KLHL1: variants seen among roughly 807,000 people sequenced by gnomAD.
KLHL1 encodes the protein kelch like family member 1, also known as kelch-like protein 1.
KLHL1 carries 47 observed loss-of-function variants against 77.7 expected under a neutral mutation model. That is an observed-to-expected ratio of 0.60 (90% CI 0.48 to 0.77). KLHL1 has a LOEUF of 0.77. Among genes scored for constraint, KLHL1 ranks in the 30% least tolerant of loss-of-function variants. The pLI is 0.00. For synonymous variants in KLHL1, 360 were observed against 325.2 expected (o/e 1.11, Z -1.15); for missense variants, 925 against 910.8 (o/e 1.02, Z -0.20).
At chr13:69,839,830 C>A (rs537378471) in intron 5 of KLHL1, among the ~76,000 whole-genome samples, 30 of 152,046 alleles carry the variant, frequency 2.0e-4, no homozygotes, top group African/African-American at 6.5e-4. Context: ...ATTGTCTCTG[C>A]AAATTATTTT....
chr13:69,940,046 G>GT lies in KLHL1; in HGVS notation c.1007dup (p.Tyr336Ter), dbSNP rs1883318707. 3.1e-6 allele frequency: 5 copies of GT among 1,603,120 alleles called. No individual in the cohort carries two copies. In the Admixed American group the frequency reaches 6.9e-5, roughly 22 times the overall value. ...CIELMKVAHS[Y>*]TMENIMEVIR... is the part of the protein sequence containing the mutation. The stretch of plus-strand genomic sequence containing the variant: ...AAACATTAAGTTTCCTTACCATTGT[G>GT]TAGCTGTGGGCCACCTTCATTAACT... Residue 336 changes from tyrosine to a stop codon, truncating the protein, a stop_gained and frameshift_variant, in exon 4 of 11, where the codon TAC becomes TAAC. Coordinates refer to ENST00000377844, the MANE Select transcript of KLHL1 (RefSeq NM_020866.3). LOFTEE classifies it high-confidence loss of function.
At position 69,782,107 on chromosome 13, in the gene KLHL1, G is replaced by A. The variant is rs147412449; in HGVS notation, c.1639+14631C>T. 8.1e-4 allele frequency among the ~76,000 whole-genome samples: 124 copies of A among 152,240 alleles called. 1 individual carries two copies. The highest frequency in any genetic ancestry group is 2.9e-3 in the African/African-American group (121 of 41,518). ...ACTTGGAGATGCCAAATAAATTTGT[G>A]TTCTTTTTCTGTTTTAAGCTCTCTC... On this transcript the variant is annotated intron_variant, in intron 7 of 10. Coordinates refer to ENST00000377844, the MANE Select transcript of KLHL1 (RefSeq NM_020866.3).
At chr13:70,073,863 T>C (rs1367254240) in intron 1 of KLHL1, among the ~76,000 whole-genome samples, 1 of 151,930 alleles carries the variant, frequency 6.6e-6, no homozygotes, top group Non-Finnish European at 1.5e-5. Flanking sequence ...CTCGCTCTTG[T>C]TGCCCAGGCT....
rs571855865 is a variant in KLHL1, at chr13:69,834,140, A to T, written c.1414+4836T>A. On this transcript the variant is annotated intron_variant, in intron 6 of 10. Transcript: ENST00000377844. ...AAAGACTACACATTGGGTATGGTGTACACTGCTCAGGTGATGGGTGCACCA... is the reference window on the plus strand; with the variant it reads ...AAAGACTACACATTGGGTATGGTGTTCACTGCTCAGGTGATGGGTGCACCA... Among the ~76,000 whole-genome samples the T allele has an allele frequency of 5.1e-4, 78 of 152,124 alleles. 2 individuals are homozygous for T. The highest frequency in any genetic ancestry group is 1.8e-3 in the African/African-American group (76 of 41,532).
At chr13:69,920,553 G>A (rs1440985287) in intron 4 of KLHL1, among the ~76,000 whole-genome samples, 2 of 151,984 alleles carry the variant, frequency 1.3e-5, no homozygotes, top group African/African-American at 2.4e-5. Flanking sequence ...CTATATTGAG[G>A]AGCAATATAA....
At chr13:69,746,485 G>A (rs1180984932) in intron 7 of KLHL1, among the ~76,000 whole-genome samples, 1 of 151,748 alleles carries the variant, frequency 6.6e-6, no homozygotes, top group Non-Finnish European at 1.5e-5. Flanking sequence ...CTACACTAAG[G>A]TTCTTTCGGT....
intron 1 of KLHL1, among the ~76,000 whole-genome samples, chr13:70,006,939 T>G (rs1184901448): frequency 1.3e-5 from 2 of 152,048 alleles, no homozygotes; most frequent in African/African-American, 2.4e-5. Context: ...CATTTTGTTT[T>G]TATATCAAAA....
At chr13:69,790,565 G>A (rs9572288) in intron 7 of KLHL1, among the ~76,000 whole-genome samples, 53,348 of 151,386 alleles carry the variant, frequency 0.35, 9,651 homozygotes, top group African/African-American at 0.43. Flanking sequence ...AACAAATAAA[G>A]AAATACAGCA....
intron 1 of KLHL1, among the ~76,000 whole-genome samples, chr13:69,989,091 A>G: frequency 6.6e-6 from 1 of 152,108 alleles, no homozygotes; most frequent in Middle Eastern, 3.4e-3. Context: ...TTATAGTTTT[A>G]TGTTTTACAT....
At chr13:69,945,514 C>G (rs2137246259) in intron 3 of KLHL1, among the ~76,000 whole-genome samples, 1 of 148,530 alleles carries the variant, frequency 6.7e-6, no homozygotes, top group South Asian at 2.1e-4. Flanking sequence ...AAAAGATGAA[C>G]CATAAACCAG....
chr13:70,086,678 T>C (rs954907686), intron 1 of KLHL1, among the ~76,000 whole-genome samples: 1 of 148,474 alleles, frequency 6.7e-6, no homozygotes, highest in African/African-American at 2.5e-5. Flanking sequence ...TTCTAGATAT[T>C]AATCACAGCT....
chr13:70,048,364 T>G (rs1286801732), intron 1 of KLHL1, among the ~76,000 whole-genome samples: 1 of 152,234 alleles, frequency 6.6e-6, no homozygotes, highest in Non-Finnish European at 1.5e-5. Context: ...TCTACACTTA[T>G]CTTTAACTAT....
intron 10 of KLHL1, among the ~76,000 whole-genome samples, chr13:69,705,602 G>T (rs1261130307): frequency 6.6e-6 from 1 of 151,590 alleles, no homozygotes; most frequent in Non-Finnish European, 1.5e-5. Context: ...AAGGGATTTT[G>T]TGTGGGTTGG....
chr13:70,032,829 T>A (rs7319310), intron 1 of KLHL1, among the ~76,000 whole-genome samples: 78,382 of 151,994 alleles, frequency 0.52, 20,750 homozygotes, highest in East Asian at 0.7. Flanking sequence ...AATTGAAATT[T>A]TAGATCTTTT....
chr13:69,943,834 A>C (rs1883437584), intron 3 of KLHL1, among the ~76,000 whole-genome samples: 2 of 152,210 alleles, frequency 1.3e-5, no homozygotes, highest in South Asian at 4.1e-4. Context: ...AAAGTTGTCA[A>C]GAAGACGGTT....
intron 7 of KLHL1, among the ~76,000 whole-genome samples, chr13:69,795,728 A>C (rs955221382): frequency 6.6e-6 from 1 of 152,176 alleles, no homozygotes; most frequent in African/African-American, 2.4e-5. Flanking sequence ...ATGCAAATAG[A>C]AAGTGATAAA....
At chr13:69,776,282 A>G (rs1169013915) in intron 7 of KLHL1, among the ~76,000 whole-genome samples, 1 of 152,234 alleles carries the variant, frequency 6.6e-6, no homozygotes, top group Non-Finnish European at 1.5e-5. Context: ...ATATATTGCT[A>G]GAAATATTTA....
intron 7 of KLHL1, among the ~76,000 whole-genome samples, chr13:69,769,558 T>C (rs1875465471): frequency 6.6e-6 from 1 of 151,968 alleles, no homozygotes; most frequent in Admixed American, 6.6e-5. Flanking sequence ...TCTATTCCTG[T>C]TTGCCACTCT....
chr13:69,897,023 CT>C (rs1195750263), intron 4 of KLHL1, among the ~76,000 whole-genome samples: 1 of 152,004 alleles, frequency 6.6e-6, no homozygotes, highest in Non-Finnish European at 1.5e-5. Flanking sequence ...AGAAGACAAA[CT>C]TTGTCATTTG....
Sources: gnomAD v4.1 joint callset for allele counts (sites outside exome capture counted in the v4.1 genomes callset) on GRCh38, gnomAD v4.1.1 for gene constraint, MANE v1.5 for transcripts, NCBI Gene and HGNC (gene_info 2026-07-23, HGNC 2026-07-21) for gene names.